The following CHST9 variants were observed in gnomAD, a reference collection of about 807,000 sequenced individuals.
CHST9 encodes GalNAc-4-sulfotransferase 2.
Under a neutral mutation model 44.4 loss-of-function variants are expected in CHST9, and 41 were observed. The ratio of observed to expected loss-of-function variants is 0.92; its 90% CI spans 0.72 to 1.20. The LOEUF (loss-of-function observed/expected upper bound fraction) is 1.20, where lower values mean the gene tolerates loss of function less well. Ranked by LOEUF, CHST9 falls within the 50% of genes most tolerant of loss-of-function variation. The pLI, the probability that CHST9 is intolerant of heterozygous loss-of-function variation, is 0.00. For synonymous variants in CHST9, 171 were observed against 178.4 expected (o/e 0.96, Z 0.33); for missense variants, 504 against 516.5 (o/e 0.98, Z 0.23).
intron 2 of CHST9, among the ~76,000 whole-genome samples, chr18:27,099,172 A>G (rs544897099): frequency 6.6e-6 from 1 of 152,250 alleles, no homozygotes; most frequent in East Asian, 1.9e-4. Context: ...ACCTGTCACC[A>G]TATACAAAAA....
intron 2 of CHST9, among the ~76,000 whole-genome samples, chr18:27,053,256 A>AAGAAGAAGG (rs1568151140): frequency 8.3e-4 from 67 of 80,524 alleles, no homozygotes; most frequent in African/African-American, 1.0e-3. Flanking sequence ...GAAGAAGAAG[A>AAGAAGAAGG]AGAAGGAGAA....
intron 4 of CHST9, among the ~76,000 whole-genome samples, chr18:26,966,870 T>C (rs8087494): frequency 0.27 from 39,502 of 147,664 alleles, 5,919 homozygotes; most frequent in African/African-American, 0.41. Context: ...TACTTAATTA[T>C]TACTTTCTTT....
chr18:27,053,157 A>AGAG lies in CHST9; in HGVS notation c.122-4655_122-4654insCTC, dbSNP rs2057593927. 9.6e-5 allele frequency among the ~76,000 whole-genome samples: 14 copies of AGAG among 146,020 alleles called. No individual in the cohort carries two copies. In the South Asian group the frequency reaches 2.7e-3, roughly 28 times the overall value. ...AAGAAGAAGAAGAAGAAGAAGAAGA[A>AGAG]GAAGAAGAAGAAGAAGAAGAAGAAG... On this transcript the variant is annotated intron_variant, in intron 2 of 5. Transcript: ENST00000618847.
chr18:27,131,254 A>G (rs932406373), intron 2 of CHST9, among the ~76,000 whole-genome samples: 2 of 152,210 alleles, frequency 1.3e-5, no homozygotes, highest in Non-Finnish European at 2.9e-5. Flanking sequence ...GAAACCTTCA[A>G]TAACTGAGTT....
intron 2 of CHST9, among the ~76,000 whole-genome samples, chr18:27,141,711 G>C (rs1311195240): frequency 7.5e-6 from 1 of 132,596 alleles, no homozygotes; most frequent in African/African-American, 2.9e-5. Context: ...TTTTGGAGAA[G>C]ATTCTTAAGG....
intron 4 of CHST9, among the ~76,000 whole-genome samples, chr18:26,968,303 A>G (rs1384037364): frequency 6.6e-6 from 1 of 152,190 alleles, no homozygotes; most frequent in East Asian, 1.9e-4. Context: ...CACTCCCACC[A>G]ACAATTTATG....
chr18:26,948,475 T>A (rs1490475900), intron 4 of CHST9, among the ~76,000 whole-genome samples: 1 of 152,176 alleles, frequency 6.6e-6, no homozygotes, highest in Non-Finnish European at 1.5e-5. Flanking sequence ...CTCCTCAGGG[T>A]GTCAGGGGTG....
intron 4 of CHST9, among the ~76,000 whole-genome samples, chr18:27,011,514 T>C (rs891701215): frequency 2.0e-5 from 3 of 152,050 alleles, no homozygotes; most frequent in African/African-American, 7.2e-5. Flanking sequence ...AAATCACTTG[T>C]TGAGGGGCCA....
At chr18:27,160,343 C>A (rs2058735635) in intron 1 of CHST9, among the ~76,000 whole-genome samples, 1 of 152,100 alleles carries the variant, frequency 6.6e-6, no homozygotes. Context: ...TTGTCGAAGG[C>A]CTTTTCTGCA....
chr18:27,155,449 G>A (rs2058692190), intron 1 of CHST9, among the ~76,000 whole-genome samples: 1 of 152,168 alleles, frequency 6.6e-6, no homozygotes, highest in Admixed American at 6.5e-5. Context: ...TTAAGGCCCT[G>A]TGCTAGACAA....
chr18:27,131,482 C>A (rs1406892304), intron 2 of CHST9, among the ~76,000 whole-genome samples: 1 of 152,092 alleles, frequency 6.6e-6, no homozygotes, highest in African/African-American at 2.4e-5. Context: ...ACCTGGGAGG[C>A]AGAGATTGCA....
At chr18:27,014,846 G>A (rs1598640299) in intron 4 of CHST9, among the ~76,000 whole-genome samples, 1 of 152,076 alleles carries the variant, frequency 6.6e-6, no homozygotes, top group African/African-American at 2.4e-5. Context: ...TTATTTCTGT[G>A]ATACTCTTCT....
At chr18:27,053,356 T>A (rs2057611996) in intron 2 of CHST9, among the ~76,000 whole-genome samples, 1 of 147,536 alleles carries the variant, frequency 6.8e-6, no homozygotes, top group African/African-American at 2.5e-5. Context: ...AAGCAATAAT[T>A]ATAGTCCCCT....
At chr18:27,176,435 AT>A (rs1400880265) in intron 1 of CHST9, among the ~76,000 whole-genome samples, 6 of 151,976 alleles carry the variant, frequency 3.9e-5, no homozygotes, top group Non-Finnish European at 8.8e-5. Context: ...TTTGTAATTA[AT>A]TTTGGAGGTC....
At chr18:26,937,977 T>G (rs2145102976) in intron 5 of CHST9, among the ~76,000 whole-genome samples, 1 of 152,214 alleles carries the variant, frequency 6.6e-6, no homozygotes, top group African/African-American at 2.4e-5. Context: ...GAGCACTGAG[T>G]GATTAGCACA....
intron 4 of CHST9, among the ~76,000 whole-genome samples, chr18:27,017,475 C>T (rs528871333): frequency 4.6e-5 from 7 of 152,220 alleles, no homozygotes; most frequent in East Asian, 3.9e-4. Flanking sequence ...AAAATTATTA[C>T]GGCATGTGAA....
At chr18:27,037,678 G>C (rs1034397081) in intron 3 of CHST9, among the ~76,000 whole-genome samples, 2 of 152,152 alleles carry the variant, frequency 1.3e-5, no homozygotes, top group Non-Finnish European at 2.9e-5. Flanking sequence ...GAGCAACTGA[G>C]TGCAGAGAGA....
At chr18:26,917,463 A>C (rs1326921716) in intron 5 of CHST9, 113 bp from the exon 6 acceptor site, 11 of 1,246,366 alleles carry the variant, frequency 8.8e-6, no homozygotes, top group Non-Finnish European at 1.1e-5. Flanking sequence ...CATATTTCAT[A>C]TAAGCTGCCA....
rs1568151267 is a variant in CHST9, at chr18:27,053,273, G to GAA, written c.122-4771_122-4770insTT. 4.0e-3 allele frequency among the ~76,000 whole-genome samples: 487 copies of GAA among 122,226 alleles called. 24 individuals carry two copies. The highest frequency in any genetic ancestry group is 0.014 in the African/African-American group (437 of 32,112). 80.2% of individuals were successfully genotyped at this position (122,226 alleles called of 152,430 possible). On this transcript the variant is annotated intron_variant, in intron 2 of 5. Coordinates refer to ENST00000618847, the MANE Select transcript of CHST9 (RefSeq NM_031422.6). ...AGAAGAAGAAGAAGGAGAAGGAGAA[G>GAA]GAGAAGGAGAAGGAGAAGGAGAAGG... is the stretch of plus-strand genomic sequence containing the variant.
Sources: gnomAD v4.1 joint callset for allele counts (sites outside exome capture counted in the v4.1 genomes callset) on GRCh38, gnomAD v4.1.1 for gene constraint, MANE v1.5 for transcripts, NCBI Gene and HGNC (gene_info 2026-07-23, HGNC 2026-07-21) for gene names.